CACNA2D3: variants seen among roughly 807,000 people sequenced by gnomAD.
CACNA2D3 encodes the protein calcium voltage-gated channel auxiliary subunit alpha2delta 3, also known as voltage-dependent calcium channel subunit alpha-2/delta-3.
Under a neutral mutation model 160.6 loss-of-function variants are expected in CACNA2D3, and 60 were observed. The ratio of observed to expected loss-of-function variants is 0.37; its 90% CI spans 0.30 to 0.46. The LOEUF (loss-of-function observed/expected upper bound fraction) is 0.46, where lower values mean the gene tolerates loss of function less well. Ranked by LOEUF, CACNA2D3 falls within the 20% of genes least tolerant of loss-of-function variation. The probability of loss-of-function intolerance (pLI) is 1.00; values close to 1 mark genes in which losing one functional copy is unlikely to be tolerated. For missense variants in CACNA2D3, 1,205 were observed against 1,365.0 expected (o/e 0.88, Z 1.85); for synonymous variants, 558 against 492.9 (o/e 1.13, Z -1.75).
chr3:54,755,544 T>C (rs1237774446), intron 12 of CACNA2D3, among the ~76,000 whole-genome samples: 1 of 152,192 alleles, frequency 6.6e-6, no homozygotes, highest in Non-Finnish European at 1.5e-5. Context: ...TTGTGTTTCG[T>C]TCATTGTCTG....
At chr3:54,735,630 A>G (rs1701481353) in intron 11 of CACNA2D3, among the ~76,000 whole-genome samples, 1 of 152,074 alleles carries the variant, frequency 6.6e-6, no homozygotes, top group Non-Finnish European at 1.5e-5. Context: ...CATCACCTCT[A>G]TAATCTATGC....
At chr3:54,935,370 G>A (rs1466233309) in intron 27 of CACNA2D3, among the ~76,000 whole-genome samples, 1 of 152,160 alleles carries the variant, frequency 6.6e-6, no homozygotes, top group East Asian at 1.9e-4. Context: ...AGATAAAGAT[G>A]CATTTCAGAT....
intron 31 of CACNA2D3, among the ~76,000 whole-genome samples, chr3:54,998,575 AC>A (rs1308834545): frequency 6.6e-6 from 1 of 152,068 alleles, no homozygotes; most frequent in Non-Finnish European, 1.5e-5. Context: ...GTGCCAACAG[AC>A]CCTCTGCTTA....
chr3:54,744,556 C>G (rs1424658457), intron 11 of CACNA2D3, among the ~76,000 whole-genome samples: 1 of 152,200 alleles, frequency 6.6e-6, no homozygotes, highest in African/African-American at 2.4e-5. Context: ...TATTATAGCT[C>G]TAGTGTTCCT....
At chr3:54,862,555 A>G (rs563713536) in intron 17 of CACNA2D3, among the ~76,000 whole-genome samples, 14 of 152,286 alleles carry the variant, frequency 9.2e-5, no homozygotes, top group South Asian at 2.1e-4. Context: ...TTCACTTGCA[A>G]ATTCATTGCC....
chr3:54,199,209 T>A (rs1701132570), intron 2 of CACNA2D3, among the ~76,000 whole-genome samples: 3 of 152,194 alleles, frequency 2.0e-5, no homozygotes, highest in Admixed American at 2.0e-4. Context: ...AGTTACTAAC[T>A]CTTTGGCAAA....
At chr3:54,590,973 T>C (rs1702848153) in intron 9 of CACNA2D3, among the ~76,000 whole-genome samples, 1 of 152,198 alleles carries the variant, frequency 6.6e-6, no homozygotes, top group South Asian at 2.1e-4. Context: ...CGTATGTGTC[T>C]TTTTATTTGG....
chr3:54,493,655 G>A (rs1165204535), intron 4 of CACNA2D3, among the ~76,000 whole-genome samples: 2 of 152,128 alleles, frequency 1.3e-5, no homozygotes, highest in Non-Finnish European at 2.9e-5. Context: ...CCAGCCTCGT[G>A]CATCTTTGCT....
At chr3:54,728,831 C>G (rs1021994582) in intron 11 of CACNA2D3, among the ~76,000 whole-genome samples, 3 of 152,168 alleles carry the variant, frequency 2.0e-5, no homozygotes, top group Admixed American at 6.5e-5. Context: ...TTGGTGAGGG[C>G]TTAACTTTAA....
chr3:54,517,234 G>A (rs568832809), intron 5 of CACNA2D3, among the ~76,000 whole-genome samples: 6 of 152,198 alleles, frequency 3.9e-5, no homozygotes, highest in African/African-American at 7.2e-5. Context: ...GACTCCCCTC[G>A]AGCAGTGGCT....
At chr3:54,222,306 T>C (rs1701589040) in intron 2 of CACNA2D3, among the ~76,000 whole-genome samples, 1 of 152,156 alleles carries the variant, frequency 6.6e-6, no homozygotes, top group Admixed American at 6.5e-5. Context: ...TTCTGAATGC[T>C]AGTAGGCTTG....
At chr3:54,509,206 G>A (rs1701418509) in intron 5 of CACNA2D3, among the ~76,000 whole-genome samples, 1 of 152,114 alleles carries the variant, frequency 6.6e-6, no homozygotes, top group African/African-American at 2.4e-5. Flanking sequence ...TATTTGATGT[G>A]CAAGAAGGCT....
intron 11 of CACNA2D3, among the ~76,000 whole-genome samples, chr3:54,718,425 T>A (rs937466248): frequency 5.9e-5 from 9 of 152,174 alleles, no homozygotes; most frequent in African/African-American, 1.9e-4. Context: ...GGCTTATTTT[T>A]CTCCATATAG....
At position 54,522,858 on chromosome 3, in the gene CACNA2D3, C is replaced by A. The variant is rs142601200; in HGVS notation, c.544+19204C>A. Among the ~76,000 whole-genome samples the A allele has an allele frequency of 2.2e-4, 34 of 152,212 alleles. No individual in the cohort carries two copies. The East Asian group carries it at 6.4e-3, about 29-fold the overall frequency. ...TCTCTCAACACTGTTGTATTGGGTA[C>A]TAAGTTTCTAACACATGAACTTTGG... On this transcript the variant is annotated intron_variant, in intron 5 of 37. Coordinates refer to ENST00000474759, the MANE Select transcript of CACNA2D3 (RefSeq NM_018398.3).
At chr3:54,173,872 C>T (rs570671568) in intron 2 of CACNA2D3, among the ~76,000 whole-genome samples, 1 of 152,232 alleles carries the variant, frequency 6.6e-6, no homozygotes, top group African/African-American at 2.4e-5. Context: ...AGAGTGTCAG[C>T]GTGGTTTGTA....
At chr3:54,623,189 CTTG>C (rs147998939) in intron 9 of CACNA2D3, among the ~76,000 whole-genome samples, 66,876 of 151,940 alleles carry the variant, frequency 0.44, 15,902 homozygotes, top group Non-Finnish European at 0.52. Flanking sequence ...GGGCTCAAGC[CTTG>C]TTGTCCCCAT....
chr3:54,897,787 G>A (rs1387432702), intron 26 of CACNA2D3, among the ~76,000 whole-genome samples: 1 of 152,186 alleles, frequency 6.6e-6, no homozygotes, highest in Non-Finnish European at 1.5e-5. Flanking sequence ...TTCAGAAAGG[G>A]TGCTTTTGAA....
intron 11 of CACNA2D3, among the ~76,000 whole-genome samples, chr3:54,701,765 C>T (rs780061620): frequency 4.6e-5 from 7 of 152,018 alleles, no homozygotes; most frequent in Admixed American, 6.6e-5. Flanking sequence ...TTCATGGAAC[C>T]AAAAATGAGT....
At chr3:54,873,604 C>T (rs916258542) in intron 18 of CACNA2D3, among the ~76,000 whole-genome samples, 5 of 152,130 alleles carry the variant, frequency 3.3e-5, no homozygotes, top group Admixed American at 1.3e-4. Context: ...GCATTGGATT[C>T]GCAGCCTCAC....
Sources: allele counts gnomAD v4.1 joint callset (sites outside exome capture counted in the v4.1 genomes callset), GRCh38; gene constraint gnomAD v4.1.1; transcripts MANE v1.5; gene names NCBI Gene and HGNC (gene_info 2026-07-23, HGNC 2026-07-21).